The following CAPN15 variants were observed in gnomAD, a reference collection of about 807,000 sequenced individuals.
CAPN15 encodes the protein calpain-15.
A neutral mutation model predicts 97.9 loss-of-function variants in CAPN15; 53 were observed. That is an observed-to-expected ratio of 0.54 (90% CI 0.43 to 0.68). The LOEUF is 0.68. CAPN15 is among the 30% of genes least tolerant of loss of function. CAPN15 has a pLI of 0.00. For missense variants in CAPN15, 1,592 were observed against 1,589.8 expected (o/e 1.00, Z -0.02); for synonymous variants, 922 against 722.5 (o/e 1.28, Z -4.43).
chr16:533,398 C>T (rs936182475), intron 1 of CAPN15, among the ~76,000 whole-genome samples: 8 of 152,278 alleles, frequency 5.3e-5, no homozygotes, highest in East Asian at 1.9e-4. Context: ...CCGCCTGGCT[C>T]GAAGCAGTGG....
chr16:548,338 C>G (rs985379101), intron 4 of CAPN15, 51 bp downstream of exon 4: 2 of 1,421,012 alleles, frequency 1.4e-6, no homozygotes, highest in Non-Finnish European at 9.2e-7. Flanking sequence ...TGCTCCCGCC[C>G]TCCCCTTCCT....
At chr16:553,065 C>G (rs747131465) in intron 13 of CAPN15, 24 bp downstream of exon 13, 13 of 1,316,222 alleles carry the variant, frequency 9.9e-6, no homozygotes, top group Non-Finnish European at 1.3e-5. Context: ...CCTGCCCCCC[C>G]ACCCCTGCAC....
intron 1 of CAPN15, among the ~76,000 whole-genome samples, chr16:533,650 T>C (rs1170699117): frequency 6.6e-6 from 1 of 152,146 alleles, no homozygotes; most frequent in East Asian, 1.9e-4. Flanking sequence ...GGATCTTGAA[T>C]GGCCCTGTCT....
In CAPN15 at chr16:535,862, C is replaced by T. The variant is rs558449348; in HGVS notation, c.-136-167C>T. Among the ~76,000 whole-genome samples the T allele has an allele frequency of 4.6e-5, 7 of 152,238 alleles. No individual in the cohort carries two copies. Among genetic ancestry groups the T allele is most frequent in the Admixed American group, 1.3e-4 (2 of 15,300 alleles). The stretch of plus-strand genomic sequence containing the variant: ...GGGAGCAGCACAGATGCTTGGCCGG[C>T]GGCAGGCCCTACAGGAGCAGCAGCG... On this transcript the variant is annotated intron_variant, in intron 2 of 13. Transcript: ENST00000219611. The surrounding 1 kb of genome is among the most constrained non-coding windows in gnomAD (Gnocchi z 6.2).
chr16:541,329 G>A (rs553700257), intron 3 of CAPN15, among the ~76,000 whole-genome samples: 23 of 152,346 alleles, frequency 1.5e-4, no homozygotes, highest in African/African-American at 3.8e-4. Flanking sequence ...CCCTGTCTGC[G>A]AGTTACCCCG....
Position 536,971 on chromosome 16 carries a change from C to T in CAPN15, c.-23+829C>T, listed in dbSNP as rs8053176. The T allele has an allele frequency of 1.2e-3, 297 of 243,684 alleles. 2 individuals carry two copies. Among genetic ancestry groups the T allele is most frequent in the African/African-American group, 6.3e-3 (271 of 43,146 alleles). 15.1% of individuals were successfully genotyped at this position (243,684 alleles called of 1,614,324 possible). Reference sequence around the variant, plus strand: ...GCCTCGCCAGCCAGGGCAGGGCCCCCGGCACCCCTCACGGGGCTCTTGACT... The same window carrying T: ...GCCTCGCCAGCCAGGGCAGGGCCCCTGGCACCCCTCACGGGGCTCTTGACT... On this transcript the variant is annotated intron_variant, in intron 3 of 13. Transcript: ENST00000219611.
At chr16:529,391 G>A (rs1347920296) in intron 1 of CAPN15, among the ~76,000 whole-genome samples, 1 of 152,182 alleles carries the variant, frequency 6.6e-6, no homozygotes, top group Non-Finnish European at 1.5e-5. Flanking sequence ...CTTGCTTCTT[G>A]CCCTGGCCTT....
In CAPN15 at chr16:549,811, C is replaced by T. The variant is rs771446766; in HGVS notation, c.2039C>T (p.Ala680Val). The change falls in exon 7 of 14, where the codon GCC becomes GTC. Residue 680 changes from alanine to valine, a missense_variant. Ala to Val is a moderately conservative substitution (Grantham distance 64). Around this residue, in one of 3 missense-constraint regions of CAPN15, gnomAD observed 644 missense variants for 699.6 expected, o/e 0.92. Coordinates refer to ENST00000219611, the MANE Select transcript of CAPN15 (RefSeq NM_005632.3). The part of the protein sequence containing the change: ...EEPVDTDLIW[A>V]KMLSSKEAGF... Reference sequence around the variant, plus strand: ...CCCGTTGACACTGACCTCATCTGGGCCAAAATGCTGAGTTCTAAGGAGGCT... The same window carrying T: ...CCCGTTGACACTGACCTCATCTGGGTCAAAATGCTGAGTTCTAAGGAGGCT... 22 of 1,587,064 alleles carry T rather than the reference C, an allele frequency of 1.4e-5. 1 individual carries two copies. In the South Asian group the frequency reaches 2.3e-4, roughly 16 times the overall value.
At chr16:554,633 GTAAT>G (rs2035317420) in exon 14 of CAPN15, 2 of 456,076 alleles carry the variant, frequency 4.4e-6, no homozygotes, top group Non-Finnish European at 8.8e-6. Flanking sequence ...GTTTTGTTTT[GTAAT>G]CACGCCTCCT....
chr16:543,680 G>A (rs947960480), intron 3 of CAPN15, among the ~76,000 whole-genome samples: 27 of 152,298 alleles, frequency 1.8e-4, no homozygotes, highest in African/African-American at 5.3e-4. Context: ...GGGCGAGAGC[G>A]GTGGGCGAGC....
At chr16:540,226 G>T in intron 3 of CAPN15, 1 of 985,526 alleles carries the variant, frequency 1.0e-6, no homozygotes, top group Non-Finnish European at 1.2e-6. Flanking sequence ...CGCAGAGACC[G>T]AGTCGGACCA....
Position 549,719 on chromosome 16 carries a change from C to T in CAPN15, c.1947C>T (p.Ala649=), listed in dbSNP as rs753579739. The T allele has an allele frequency of 1.4e-5, 22 of 1,575,134 alleles. No homozygotes were observed. Among genetic ancestry groups the T allele is most frequent in the Non-Finnish European group, 1.9e-5 (22 of 1,161,716 alleles). ...LQAGRAIEGL[A]TLTGAPCESL... Reference sequence around the variant, plus strand: ...CGGGCCGCGCCATCGAAGGCCTGGCCACGCTCACCGGCGCCCCCTGTGAGA... The same window carrying T: ...CGGGCCGCGCCATCGAAGGCCTGGCTACGCTCACCGGCGCCCCCTGTGAGA... The change falls in exon 7 of 14, where the codon GCC becomes GCT. Residue 649 remains alanine, a synonymous_variant. Coordinates refer to ENST00000219611, the MANE Select transcript of CAPN15 (RefSeq NM_005632.3).
chr16:548,783 C>A (rs1005360271), intron 4 of CAPN15, among the ~76,000 whole-genome samples: 1 of 152,246 alleles, frequency 6.6e-6, no homozygotes, highest in Non-Finnish European at 1.5e-5. Flanking sequence ...GTCCCCTGCT[C>A]CTCACCTGTC....
At chr16:529,067 C>T (rs745635374) in intron 1 of CAPN15, among the ~76,000 whole-genome samples, 1 of 152,160 alleles carries the variant, frequency 6.6e-6, no homozygotes, top group African/African-American at 2.4e-5. Flanking sequence ...CTGCAGGAAA[C>T]CAGCTTGGCC....
intron 9 of CAPN15, 159 bp from the exon 10 acceptor site, chr16:551,892 T>A: frequency 1.0e-6 from 1 of 978,036 alleles, no homozygotes; most frequent in Non-Finnish European, 1.6e-6. Context: ...CTTCCTATTA[T>A]AGGCCTCAGG....
chr16:548,392 C>A, intron 4 of CAPN15, 105 bp downstream of exon 4: 2 of 1,171,114 alleles, frequency 1.7e-6, no homozygotes, highest in Non-Finnish European at 2.3e-6. Context: ...GCCCACAAGG[C>A]CTAAGACGTG....
intron 4 of CAPN15, among the ~76,000 whole-genome samples, chr16:548,760 C>G (rs996370660): frequency 6.6e-6 from 1 of 152,264 alleles, no homozygotes; most frequent in Non-Finnish European, 1.5e-5. Flanking sequence ...GCGCTGTCCC[C>G]CTGGGCCCAC....
chr16:533,677 G>A (rs770435131), intron 1 of CAPN15, among the ~76,000 whole-genome samples: 1 of 152,208 alleles, frequency 6.6e-6, no homozygotes, highest in South Asian at 2.1e-4. Context: ...CTGGCTGGCC[G>A]GAGGTTGACC....
chr16:550,532 G>C (rs1289212369), intron 7 of CAPN15, among the ~76,000 whole-genome samples: 2 of 152,246 alleles, frequency 1.3e-5, no homozygotes, highest in African/African-American at 4.8e-5. Context: ...GGCCAGCGAG[G>C]GCACTGGTCA....
Sources: gnomAD v4.1 joint callset for allele counts (sites outside exome capture counted in the v4.1 genomes callset) on GRCh38, gnomAD v4.1.1 for gene constraint, gnomAD v4.1.1 regional missense constraint, Gnocchi (gnomAD v3.1) non-coding constraint, MANE v1.5 for transcripts, NCBI Gene and HGNC (gene_info 2026-07-23, HGNC 2026-07-21) for gene names.